The following PABPC4L variants were observed in gnomAD, a reference collection of about 807,000 sequenced individuals.
PABPC4L encodes the protein poly(A) binding protein cytoplasmic 4 like, also known as polyadenylate-binding protein 4-like.
For missense variants in PABPC4L, 452 were observed against 451.4 expected (o/e 1.00, Z -0.01); for synonymous variants, 169 against 164.1 (o/e 1.03, Z -0.23).
the PABPC4L span, among the ~76,000 whole-genome samples, chr4:133,961,311 T>A: frequency 1.1e-4 from 17 of 152,138 alleles, no homozygotes; most frequent in Admixed American, 4.6e-4. Flanking sequence ...AGAAGAGAGA[T>A]AACAATCCCT....
At chr4:133,977,862 C>T in the PABPC4L span, 2 of 152,170 alleles carry the variant, frequency 1.3e-5, no homozygotes, top group Admixed American at 6.5e-5. Context: ...TGGTATGGTA[C>T]TATCTGGCAA....
At position 134,200,264 on chromosome 4, in the gene PABPC4L, T is replaced by G. The variant is rs1207107563; in HGVS notation, c.756A>C (p.Gly252=). 1 of 1,559,038 alleles carries G rather than the reference T, an allele frequency of 6.4e-7. No homozygotes were observed. Among genetic ancestry groups the G allele is most frequent in the Admixed American group, 1.9e-5 (1 of 52,134 alleles). Residue 252 remains glycine (G), a synonymous_variant, in exon 2 of 2, where the codon GGA becomes GGC. Transcript: ENST00000421491. The part of the protein sequence containing the change: ...AAKKAVEEMN[G]RDINGQLIFV... ...AAATCAGCTGCCCATTTATGTCCCT[T>G]CCATTCATTTCTTCAACAGCTTTCT...
At chr4:134,169,811 T>C in the PABPC4L span, among the ~76,000 whole-genome samples, 3 of 152,166 alleles carry the variant, frequency 2.0e-5, no homozygotes, top group Non-Finnish European at 2.9e-5. Flanking sequence ...AGACATTCTA[T>C]GGTCATGGAT....
chr4:134,135,427 A>C, the PABPC4L span, among the ~76,000 whole-genome samples: 1 of 152,222 alleles, frequency 6.6e-6, no homozygotes, highest in East Asian at 1.9e-4. Context: ...TGCATCTCAC[A>C]TCTTGAACTT....
chr4:134,146,934 G>C, the PABPC4L span, among the ~76,000 whole-genome samples: 3 of 152,086 alleles, frequency 2.0e-5, no homozygotes, highest in South Asian at 2.1e-4. Context: ...CCCTTGGCTT[G>C]AAGGTCGAGT....
the PABPC4L span, among the ~76,000 whole-genome samples, chr4:134,041,443 T>C: frequency 1.3e-5 from 2 of 152,020 alleles, no homozygotes; most frequent in East Asian, 1.9e-4. Flanking sequence ...TGGATGAAGC[T>C]GGAAACCATA....
At chr4:134,005,262 T>G in the PABPC4L span, among the ~76,000 whole-genome samples, 1 of 151,908 alleles carries the variant, frequency 6.6e-6, no homozygotes, top group East Asian at 1.9e-4. Context: ...AAAATATTTT[T>G]TGTGTGACTC....
the PABPC4L span, among the ~76,000 whole-genome samples, chr4:134,085,213 G>A: frequency 6.6e-6 from 1 of 152,116 alleles, no homozygotes; most frequent in East Asian, 1.9e-4. Flanking sequence ...AGGGGCCCTT[G>A]GCTGCCTCCT....
chr4:134,149,913 C>A, the PABPC4L span, among the ~76,000 whole-genome samples: 1 of 152,026 alleles, frequency 6.6e-6, no homozygotes. Context: ...TTCTCTACTG[C>A]TAATTGGTTA....
At chr4:134,181,996 G>C in the PABPC4L span, among the ~76,000 whole-genome samples, 2 of 146,426 alleles carry the variant, frequency 1.4e-5, no homozygotes, top group Admixed American at 1.4e-4. Context: ...ATTCTTCACA[G>C]AAGTAAAAAA....
the PABPC4L span, among the ~76,000 whole-genome samples, chr4:134,182,323 C>A: frequency 1.3e-5 from 2 of 151,758 alleles, no homozygotes; most frequent in South Asian, 4.1e-4. Flanking sequence ...TTACAACCAT[C>A]TGATCTTCAA....
At chr4:133,994,124 A>G in the PABPC4L span, among the ~76,000 whole-genome samples, 2 of 152,152 alleles carry the variant, frequency 1.3e-5, no homozygotes, top group South Asian at 4.1e-4. Flanking sequence ...GTTGCAAATT[A>G]GCATTAATAG....
chr4:134,001,409 C>T, the PABPC4L span, among the ~76,000 whole-genome samples: 26 of 152,026 alleles, frequency 1.7e-4, no homozygotes, highest in East Asian at 4.5e-3. Context: ...TTTATTTTGC[C>T]GTAATTAGTC....
chr4:134,074,244 C>G, the PABPC4L span, among the ~76,000 whole-genome samples: 2 of 152,126 alleles, frequency 1.3e-5, no homozygotes, highest in Non-Finnish European at 2.9e-5. Flanking sequence ...TTCCACAGAT[C>G]TCTAGGGCAG....
chr4:133,988,788 C>A, the PABPC4L span, among the ~76,000 whole-genome samples: 1 of 152,152 alleles, frequency 6.6e-6, no homozygotes, highest in African/African-American at 2.4e-5. Context: ...CCCACATTTC[C>A]CTTCTGTACT....
Position 134,199,974 on chromosome 4 carries a change from A to T in PABPC4L, c.1046T>A (p.Met349Lys). 4 of 1,551,640 alleles carry T rather than the reference A, an allele frequency of 2.6e-6. No individual in the cohort carries two copies. Among genetic ancestry groups the T allele is most frequent in the Non-Finnish European group, 3.5e-6 (4 of 1,146,966 alleles). ...CAAGATGCGGCCATTCATCTCAGTC[A>T]TTGCTTTAGTAGCATCCTCAGGAGA... The part of the protein sequence containing the change: ...FSSPEDATKA[M>K]TEMNGRILGS... Residue 349 changes from methionine to lysine, a missense_variant, in exon 2 of 2, where the codon ATG (methionine) becomes AAG (lysine). By Grantham distance (95) the Met-to-Lys change is moderately conservative (BLOSUM62 -1). Transcript: ENST00000421491.
At chr4:134,155,229 T>C in the PABPC4L span, among the ~76,000 whole-genome samples, 1 of 152,092 alleles carries the variant, frequency 6.6e-6, no homozygotes, top group African/African-American at 2.4e-5. Context: ...ATTTTATATT[T>C]CTGTGTAAAA....
the PABPC4L span, among the ~76,000 whole-genome samples, chr4:134,073,901 G>T: frequency 6.6e-6 from 1 of 152,172 alleles, no homozygotes; most frequent in Non-Finnish European, 1.5e-5. Context: ...CATGTCCCGA[G>T]GCTGCACAGA....
the PABPC4L span, among the ~76,000 whole-genome samples, chr4:133,970,210 A>T: frequency 1.3e-5 from 2 of 151,834 alleles, no homozygotes; most frequent in African/African-American, 4.8e-5. Context: ...TCCTCCTTCG[A>T]CAAAAGTGAC....
Sources: gnomAD v4.1 joint callset for allele counts (sites outside exome capture counted in the v4.1 genomes callset) on GRCh38, gnomAD v4.1.1 for gene constraint, MANE v1.5 for transcripts, NCBI Gene and HGNC (gene_info 2026-07-23, HGNC 2026-07-21) for gene names.